DMD: variants seen among roughly 807,000 people sequenced by gnomAD.
DMD encodes mutant dystrophin.
DMD carries 63 observed loss-of-function variants against 330.1 expected under a neutral mutation model. That is an observed-to-expected ratio of 0.19 (90% CI 0.16 to 0.24). DMD has a LOEUF of 0.24. DMD is among the 10% of genes least tolerant of loss of function. DMD has a pLI of 1.00. For synonymous variants in DMD, 1,223 were observed against 959.8 expected (o/e 1.27, Z -5.07); for missense variants, 3,344 against 2,684.1 (o/e 1.25, Z -5.43).
intron 44 of DMD, among the ~76,000 whole-genome samples, chrX:32,069,195 G>T (rs1287527860): frequency 9.0e-6 from 1 of 111,006 alleles, no homozygotes; most frequent in Non-Finnish European, 1.9e-5. Context: ...TGTTTCAGAT[G>T]GTGGATATCC....
At chrX:31,918,151 G>A (rs1399743936) in intron 47 of DMD, among the ~76,000 whole-genome samples, 1 of 112,426 alleles carries the variant, frequency 8.9e-6, no homozygotes, top group African/African-American at 3.2e-5. Flanking sequence ...AGAATTTTAT[G>A]GTAACCTACT....
intron 25 of DMD, among the ~76,000 whole-genome samples, chrX:32,459,920 C>T (rs2098377256): frequency 9.0e-6 from 1 of 111,129 alleles, no homozygotes; most frequent in Admixed American, 9.6e-5. Context: ...TTTTCCCATT[C>T]TGTGGATTGT....
At chrX:32,667,767 G>GTTTTTTTTTTTT (rs201162726) in intron 9 of DMD, among the ~76,000 whole-genome samples, 2 of 81,702 alleles carry the variant, frequency 2.4e-5, no homozygotes, top group African/African-American at 5.0e-5. Flanking sequence ...CTGCTTTTGT[G>GTTTTTTTTTTTT]TTTTTTTTTT....
intron 43 of DMD, among the ~76,000 whole-genome samples, chrX:32,236,277 G>A (rs2097187371): frequency 8.9e-6 from 1 of 112,041 alleles, no homozygotes; most frequent in African/African-American, 3.2e-5. Flanking sequence ...TCTTCAATGT[G>A]ATTAACTGGA....
At chrX:32,960,639 A>C (rs750640335) in intron 2 of DMD, among the ~76,000 whole-genome samples, 1 of 110,990 alleles carries the variant, frequency 9.0e-6, no homozygotes, top group East Asian at 2.8e-4. Flanking sequence ...TCTCCCTTTA[A>C]AACTCCCAGT....
At chrX:32,082,057 C>T (rs1157975747) in intron 44 of DMD, among the ~76,000 whole-genome samples, 1 of 110,244 alleles carries the variant, frequency 9.1e-6, no homozygotes, top group Non-Finnish European at 1.9e-5. Context: ...AGTGATTTTA[C>T]GTACACGATC....
chrX:31,498,904 T>C (rs1381141791), intron 56 of DMD, among the ~76,000 whole-genome samples: 1 of 112,349 alleles, frequency 8.9e-6, no homozygotes, highest in Non-Finnish European at 1.9e-5. Flanking sequence ...AGTTCTTTTA[T>C]GTTTCTGTAC....
At chrX:32,162,237 G>C (rs1404702887) in intron 44 of DMD, among the ~76,000 whole-genome samples, 4 of 110,755 alleles carry the variant, frequency 3.6e-5, no homozygotes, top group Non-Finnish European at 7.6e-5. Flanking sequence ...AGGGAAGGAG[G>C]GAGCGCTACA....
intron 1 of DMD, among the ~76,000 whole-genome samples, chrX:33,044,931 G>A (rs75418296): frequency 1.6e-3 from 182 of 111,643 alleles, no homozygotes; most frequent in Non-Finnish European, 2.2e-3. Flanking sequence ...AGACCCAAGA[G>A]GATTTGGGGT....
At chrX:33,094,823 GA>G (rs1278105461) in intron 1 of DMD, among the ~76,000 whole-genome samples, 3 of 101,398 alleles carry the variant, frequency 3.0e-5, no homozygotes, top group Non-Finnish European at 4.0e-5. Flanking sequence ...AAAAAAAAAA[GA>G]AAAAAAAGAA....
In DMD at chrX:32,697,926, T is replaced by A. The variant is rs1384774736; in HGVS notation, c.904A>T (p.Thr302Ser). The A allele has an allele frequency of 2.5e-6, 3 of 1,208,639 alleles. No individual in the cohort carries two copies. The highest frequency in any genetic ancestry group is 3.4e-6 in the Non-Finnish European group (3 of 894,081). Residue 302 changes from threonine (T) to serine (S), a missense_variant, in exon 9 of 79, where the codon ACA becomes TCA. Thr to Ser is a moderately conservative substitution (Grantham distance 58, BLOSUM62 1). Coordinates refer to ENST00000357033, the MANE Select transcript of DMD (RefSeq NM_004006.3). ...GAGGTGGTGACATAAGCAGCCTGTG[T>A]GTAGGCATAGCTCTTGAATCGAGGC... ...PKPRFKSYAYTQAAYVTTSDP... is the reference protein window; with the variant it reads ...PKPRFKSYAYSQAAYVTTSDP...
rs551620342 is a variant in DMD at position 32,555,705 on chromosome X, C to A, written c.1992+9997G>T. On this transcript the variant is annotated intron_variant, in intron 16 of 78. Transcript: ENST00000357033. ...CTACAACCATCTGATCTTCGACAAA[C>A]CTGAAAAAACAAGCAATGGGGAAAG... 1.1e-4 allele frequency among the ~76,000 whole-genome samples: 12 copies of A among 111,357 alleles called. No homozygotes were observed. The Admixed American group carries it at 1.1e-3, about 11-fold the overall frequency.
chrX:32,462,470 G>A (rs1284659194), intron 25 of DMD, among the ~76,000 whole-genome samples: 1 of 111,365 alleles, frequency 9.0e-6, no homozygotes, highest in Admixed American at 9.6e-5. Flanking sequence ...CGAACAAGAA[G>A]TATTTGATAT....
Position 31,559,425 on chromosome X carries a change from G to C in DMD, c.8218-51972C>G, listed in dbSNP as rs1253227141. Among the ~76,000 whole-genome samples the C allele has an allele frequency of 2.1e-5, 2 of 95,792 alleles. 1 individual carries two copies. Among genetic ancestry groups the C allele is most frequent in the Admixed American group, 2.4e-4 (2 of 8,440 alleles). The allele number at this position is 95,792 out of a possible 115,157, so 83.2% of individuals were successfully genotyped here. A position where few individuals can be genotyped will look rare whatever the true frequency, so the allele number is the denominator to read the frequency against. The stretch of plus-strand genomic sequence containing the variant: ...TGGGAGGCCGAGACGGGCGGATCAC[G>C]AGGTCAGGAGATCGAGACCATCCTG... On this transcript the variant is annotated intron_variant, in intron 55 of 78. Coordinates refer to ENST00000357033, the MANE Select transcript of DMD (RefSeq NM_004006.3).
rs765465849 is a variant in DMD at position 33,053,488 on chromosome X, C to T, written c.32-33288G>A. On this transcript the variant is annotated intron_variant, in intron 1 of 78. Transcript: ENST00000357033. ...GCACGCACCTGTAGTCCCAGCTACT[C>T]GGGAGGCTGAGACAGAAGAATCGCT... is the stretch of plus-strand genomic sequence containing the variant. Among the ~76,000 whole-genome samples, 3 of 109,920 alleles carry T rather than the reference C, an allele frequency of 2.7e-5. No individual in the cohort carries two copies. The South Asian group carries it at 1.2e-3, about 44-fold the overall frequency.
intron 67 of DMD, among the ~76,000 whole-genome samples, chrX:31,187,035 C>T (rs2041838920): frequency 8.9e-6 from 1 of 112,739 alleles, no homozygotes; most frequent in African/African-American, 3.2e-5. Context: ...AGAGTTAAAC[C>T]ACTGGAGTTC....
chrX:31,204,176 G>A (rs751418804), intron 66 of DMD, 58 bp from the exon 67 acceptor site: 34 of 1,038,893 alleles, frequency 3.3e-5, no homozygotes, highest in Middle Eastern at 2.5e-4. Flanking sequence ...GATGCCAGCA[G>A]AACCTGACAT....
chrX:32,529,379 CTTTTTTTTTTTTTTTTT>C (rs777955346), intron 17 of DMD, among the ~76,000 whole-genome samples: 38 of 31,060 alleles, frequency 1.2e-3, no homozygotes, highest in African/African-American at 4.8e-3. Flanking sequence ...CAAAAATCAA[CTTTTTTTTTTTTTTTTT>C]TTTTTTTTTT....
intron 29 of DMD, among the ~76,000 whole-genome samples, chrX:32,420,819 A>G (rs936625994): frequency 1.8e-5 from 2 of 111,451 alleles, no homozygotes; most frequent in African/African-American, 6.5e-5. Context: ...ATAGTTTCCA[A>G]TCTTCAGTCA....
Sources: allele counts gnomAD v4.1 joint callset (sites outside exome capture counted in the v4.1 genomes callset), GRCh38; gene constraint gnomAD v4.1.1; transcripts MANE v1.5; gene names NCBI Gene and HGNC (gene_info 2026-07-23, HGNC 2026-07-21).